CNTN4: variants seen among roughly 807,000 people sequenced by gnomAD.
The protein encoded by CNTN4 is contactin 4, also known as contactin-4.
A neutral mutation model predicts 122.5 loss-of-function variants in CNTN4; 77 were observed. That is an observed-to-expected ratio of 0.63 (90% CI 0.52 to 0.76). The LOEUF (loss-of-function observed/expected upper bound fraction) is 0.76, where lower values mean the gene tolerates loss of function less well. CNTN4 is among the 30% of genes least tolerant of loss of function. The pLI, the probability that CNTN4 is intolerant of heterozygous loss-of-function variation, is 0.00. For synonymous variants in CNTN4, 512 were observed against 447.0 expected, an observed-to-expected ratio of 1.15 and a Z score of -1.83; for missense variants, 1,256 against 1,259.1, an observed-to-expected ratio of 1.00 and a Z score of 0.04.
intron 6 of CNTN4, among the ~76,000 whole-genome samples, chr3:2,799,478 T>C (rs1440805637): frequency 6.6e-6 from 1 of 152,162 alleles, no homozygotes; most frequent in Non-Finnish European, 1.5e-5. Flanking sequence ...CTTTTTTTTC[T>C]TTGAGATGGA....
At chr3:2,473,878 G>C (rs2075764824) in intron 3 of CNTN4, among the ~76,000 whole-genome samples, 2 of 152,164 alleles carry the variant, frequency 1.3e-5, no homozygotes, top group East Asian at 3.9e-4. Context: ...CAGGTGTGGT[G>C]GTGCATGCCT....
chr3:2,580,037 A>G (rs73805337), intron 4 of CNTN4, among the ~76,000 whole-genome samples: 9,153 of 150,098 alleles, frequency 0.061, 315 homozygotes, highest in South Asian at 0.11. Context: ...TTAAGCTTGT[A>G]TGTGTGTGTG....
rs538215484 is a variant in CNTN4, at chr3:2,604,895, A to G, written c.55+33337A>G. 6.7e-4 allele frequency among the ~76,000 whole-genome samples: 102 copies of G among 152,248 alleles called. 1 individual carries two copies. The highest frequency in any genetic ancestry group is 2.4e-3 in the African/African-American group (100 of 41,560). ...AGCCAATAAAGGAAATATAAGATCT[A>G]CCCTCTTAGTACCTTTTTAAGTAAA... On this transcript the variant is annotated intron_variant, in intron 4 of 24. Transcript: ENST00000418658.
intron 2 of CNTN4, among the ~76,000 whole-genome samples, chr3:2,149,502 G>C (rs995278296): frequency 2.0e-5 from 3 of 152,100 alleles, no homozygotes; most frequent in Non-Finnish European, 2.9e-5. Context: ...AGGTTTATAT[G>C]CTGAAGATGG....
chr3:2,628,296 C>G (rs1405011348), intron 4 of CNTN4, among the ~76,000 whole-genome samples: 1 of 152,086 alleles, frequency 6.6e-6, no homozygotes, highest in Non-Finnish European at 1.5e-5. Flanking sequence ...GTGAGGCAGC[C>G]AGGTAGGAGG....
chr3:2,187,609 C>A (rs966094178), intron 2 of CNTN4, among the ~76,000 whole-genome samples: 16 of 152,168 alleles, frequency 1.1e-4, no homozygotes, highest in African/African-American at 3.9e-4. Context: ...TAGTCACATT[C>A]TGCCGGGTTC....
At chr3:2,814,932 GT>G (rs2150182069) in intron 6 of CNTN4, among the ~76,000 whole-genome samples, 1 of 152,272 alleles carries the variant, frequency 6.6e-6, no homozygotes, top group East Asian at 1.9e-4. Flanking sequence ...CAATTCTATT[GT>G]TGCTATTAGT....
At chr3:2,964,107 C>G (rs1388836956) in intron 13 of CNTN4, among the ~76,000 whole-genome samples, 3 of 152,082 alleles carry the variant, frequency 2.0e-5, no homozygotes, top group African/African-American at 7.2e-5. Context: ...TGTTTTTGAG[C>G]ATTCATAGGG....
chr3:2,379,299 G>T (rs1411325053), intron 3 of CNTN4, among the ~76,000 whole-genome samples: 1 of 146,158 alleles, frequency 6.8e-6, no homozygotes, highest in East Asian at 2.0e-4. Flanking sequence ...GCTTTACCCT[G>T]CAGATGGTTA....
intron 2 of CNTN4, among the ~76,000 whole-genome samples, chr3:2,265,487 A>G (rs1010840009): frequency 5.9e-5 from 9 of 152,076 alleles, no homozygotes; most frequent in African/African-American, 2.2e-4. Flanking sequence ...TTGAAATCAC[A>G]TAGTATGATG....
At chr3:2,130,602 C>A (rs80012508) in intron 2 of CNTN4, among the ~76,000 whole-genome samples, 1,919 of 152,190 alleles carry the variant, frequency 0.013, 35 homozygotes, top group African/African-American at 0.044. Context: ...CCTATATAAG[C>A]AGTATTAGTT....
chr3:2,139,678 C>A (rs2034894834), intron 2 of CNTN4, among the ~76,000 whole-genome samples: 1 of 152,188 alleles, frequency 6.6e-6, no homozygotes, highest in South Asian at 2.1e-4. Context: ...GAAGGGCATT[C>A]TTGCAAGACT....
intron 18 of CNTN4, among the ~76,000 whole-genome samples, chr3:3,038,441 C>T (rs1371658746): frequency 2.6e-5 from 4 of 152,294 alleles, no homozygotes; most frequent in African/African-American, 4.8e-5. Flanking sequence ...GGCGCTACTC[C>T]GGAACGCCCC....
At chr3:2,790,223 G>T (rs1250184172) in intron 6 of CNTN4, among the ~76,000 whole-genome samples, 1 of 152,202 alleles carries the variant, frequency 6.6e-6, no homozygotes, top group Non-Finnish European at 1.5e-5. Flanking sequence ...TCTTCTGAGT[G>T]CTACTGCCTC....
At chr3:2,848,299 G>A in intron 7 of CNTN4, among the ~76,000 whole-genome samples, 1 of 152,168 alleles carries the variant, frequency 6.6e-6, no homozygotes, top group East Asian at 1.9e-4. Context: ...TTACAGTGAG[G>A]CTGAGTAGAA....
At chr3:2,549,164 C>G (rs570814926) in intron 3 of CNTN4, among the ~76,000 whole-genome samples, 1 of 152,296 alleles carries the variant, frequency 6.6e-6, no homozygotes, top group Admixed American at 6.5e-5. Flanking sequence ...AATTTGACTT[C>G]CTGTCTTCCT....
At chr3:2,962,294 A>C (rs977090465) in intron 13 of CNTN4, among the ~76,000 whole-genome samples, 1 of 152,338 alleles carries the variant, frequency 6.6e-6, no homozygotes, top group South Asian at 2.1e-4. Context: ...GGTGCAGCAC[A>C]GGAAATCCCA....
intron 3 of CNTN4, among the ~76,000 whole-genome samples, chr3:2,410,270 T>C (rs1204218538): frequency 6.6e-6 from 1 of 152,244 alleles, no homozygotes; most frequent in Non-Finnish European, 1.5e-5. Context: ...TAACTCATCC[T>C]TCTCACAACA....
chr3:3,020,654 G>A (rs1178929415), intron 14 of CNTN4, among the ~76,000 whole-genome samples: 1 of 152,182 alleles, frequency 6.6e-6, no homozygotes, highest in Non-Finnish European at 1.5e-5. Flanking sequence ...TGTTGGAAAG[G>A]TCAAATTAGT....
Sources: allele counts gnomAD v4.1 joint callset (sites outside exome capture counted in the v4.1 genomes callset), GRCh38; gene constraint gnomAD v4.1.1; transcripts MANE v1.5; gene names NCBI Gene and HGNC (gene_info 2026-07-23, HGNC 2026-07-21).